The following MUSK variants were observed in gnomAD, a reference collection of about 807,000 sequenced individuals.
MUSK encodes the protein muscle associated receptor tyrosine kinase.
MUSK carries 55 observed loss-of-function variants against 88.7 expected under a neutral mutation model. That is an observed-to-expected ratio of 0.62 (90% CI 0.50 to 0.78). MUSK has a LOEUF of 0.78. Among genes scored for constraint, MUSK ranks in the 30% least tolerant of loss-of-function variants. The pLI is 0.00. For missense variants in MUSK, 1,015 were observed against 1,074.3 expected, an observed-to-expected ratio of 0.94 and a Z score of 0.77; for synonymous variants, 387 against 391.9, an observed-to-expected ratio of 0.99 and a Z score of 0.15.
intron 7 of MUSK, among the ~76,000 whole-genome samples, chr9:110,760,199 TC>T (rs1273434804): frequency 6.6e-6 from 1 of 152,108 alleles, no homozygotes; most frequent in African/African-American, 2.4e-5. Context: ...ACCCAGCAAT[TC>T]CGCTACTGAG....
At chr9:110,669,330 C>A (rs1262357029) in intron 1 of MUSK, among the ~76,000 whole-genome samples, 2 of 152,250 alleles carry the variant, frequency 1.3e-5, no homozygotes, top group East Asian at 3.9e-4. Flanking sequence ...TGATGACAAC[C>A]TTTTCGCATC....
chr9:110,690,435 A>T (rs1168487642), intron 3 of MUSK, among the ~76,000 whole-genome samples: 11 of 91,740 alleles, frequency 1.2e-4, no homozygotes, highest in East Asian at 9.5e-4. Context: ...TATATATTTC[A>T]ATATAAGTAT....
In MUSK at chr9:110,708,638, G is replaced by A. The variant is rs571089940; in HGVS notation, c.628+11172G>A. On this transcript the variant is annotated intron_variant, in intron 5 of 14. Transcript: ENST00000374448. ...TGATTTTGACTTTAGGGGATATTAT[G>A]GTATATTATGGTATGGTTTCATCTA... Among the ~76,000 whole-genome samples, 4 of 152,160 alleles carry A rather than the reference G, an allele frequency of 2.6e-5. No individual in the cohort carries two copies. In the South Asian group the frequency reaches 8.3e-4, roughly 32 times the overall value.
At chr9:110,704,603 G>A (rs1411818001) in intron 5 of MUSK, among the ~76,000 whole-genome samples, 1 of 152,024 alleles carries the variant, frequency 6.6e-6, no homozygotes, top group African/African-American at 2.4e-5. Context: ...GTTCATAAGT[G>A]AAAAAGTAAG....
chr9:110,673,130 C>G (rs2075981897), intron 1 of MUSK, among the ~76,000 whole-genome samples: 1 of 152,112 alleles, frequency 6.6e-6, no homozygotes, highest in African/African-American at 2.4e-5. Context: ...AACCGGAAAG[C>G]AGATTTGGAT....
In MUSK at chr9:110,801,196, G is replaced by T; in HGVS notation, c.*208G>T. 2 of 447,624 alleles carry T rather than the reference G, an allele frequency of 4.5e-6. No individual in the cohort carries two copies. The highest frequency in any genetic ancestry group is 3.9e-6 in the Non-Finnish European group (1 of 256,822). 27.7% of individuals were successfully genotyped at this position (447,624 alleles called of 1,614,324 possible). A position where few individuals can be genotyped will look rare whatever the true frequency, so the allele number is the denominator to read the frequency against. ...TGAAAGCCAGTGATTGGAAACACAG[G>T]CTAGGAAATGTGTCAGATAATGGAG... is the stretch of plus-strand genomic sequence containing the variant. On this transcript the variant is annotated 3_prime_UTR_variant, in exon 15 of 15. Coordinates refer to ENST00000374448, the MANE Select transcript of MUSK (RefSeq NM_005592.4).
chr9:110,686,738 G>A (rs544939579), intron 2 of MUSK, among the ~76,000 whole-genome samples: 8 of 152,136 alleles, frequency 5.3e-5, no homozygotes, highest in Non-Finnish European at 7.4e-5. Context: ...TCTGTTCATC[G>A]TATTTATACA....
At chr9:110,729,326 T>TAAAAAAAAA (rs34882321) in intron 5 of MUSK, among the ~76,000 whole-genome samples, 5 of 97,426 alleles carry the variant, frequency 5.1e-5, no homozygotes, top group African/African-American at 1.8e-4. Context: ...CTGTTTTCTG[T>TAAAAAAAAA]AAAAAAAAAA....
intron 11 of MUSK, among the ~76,000 whole-genome samples, chr9:110,784,342 G>C (rs1367796372): frequency 6.6e-6 from 1 of 152,050 alleles, no homozygotes; most frequent in African/African-American, 2.4e-5. Context: ...CAGGAGTTCA[G>C]TTTTTAGATG....
chr9:110,798,370 T>C (rs1588051522), intron 14 of MUSK, among the ~76,000 whole-genome samples: 2 of 152,120 alleles, frequency 1.3e-5, no homozygotes, highest in East Asian at 3.8e-4. Flanking sequence ...TTGGGAAAAA[T>C]GGTATAACTA....
intron 9 of MUSK, among the ~76,000 whole-genome samples, chr9:110,773,007 T>C (rs1308105979): frequency 1.3e-5 from 2 of 152,022 alleles, no homozygotes; most frequent in Non-Finnish European, 2.9e-5. Flanking sequence ...TTAAAAGTAA[T>C]GGCAAGAACC....
Position 110,783,505 on chromosome 9 carries a change from A to G in MUSK, c.1385-1310A>G, listed in dbSNP as rs552976072. ...AAGGTGTGAAATATAATAATTACAC[A>G]TTATTTTAATTAACTTTGAATCTGT... On this transcript the variant is annotated intron_variant, in intron 11 of 14. Coordinates refer to ENST00000374448, the MANE Select transcript of MUSK (RefSeq NM_005592.4). 7.2e-5 allele frequency among the ~76,000 whole-genome samples: 11 copies of G among 152,214 alleles called. No homozygotes were observed. The South Asian group carries it at 2.3e-3, about 32-fold the overall frequency.
chr9:110,717,006 T>C (rs2131790735), intron 5 of MUSK, among the ~76,000 whole-genome samples: 1 of 149,916 alleles, frequency 6.7e-6, no homozygotes, highest in East Asian at 1.9e-4. Context: ...ATCCCTTTCT[T>C]CCAACCTCCC....
intron 8 of MUSK, among the ~76,000 whole-genome samples, chr9:110,767,059 G>T (rs1173834625): frequency 6.6e-6 from 1 of 152,192 alleles, no homozygotes; most frequent in Admixed American, 6.5e-5. Flanking sequence ...AGCATTTACA[G>T]GTTTCTCCCT....
intron 5 of MUSK, among the ~76,000 whole-genome samples, chr9:110,729,572 C>G (rs906289770): frequency 2.0e-5 from 3 of 151,948 alleles, no homozygotes; most frequent in South Asian, 4.2e-4. Context: ...TACCAGGTTG[C>G]TTACAATTAA....
intron 6 of MUSK, among the ~76,000 whole-genome samples, chr9:110,746,643 T>G (rs563824214): frequency 7.0e-4 from 106 of 152,330 alleles, no homozygotes; most frequent in African/African-American, 2.5e-3. Context: ...ATCTTGGCTC[T>G]TTAAGGACAT....
intron 3 of MUSK, among the ~76,000 whole-genome samples, chr9:110,691,372 C>T (rs932976005): frequency 6.6e-6 from 1 of 152,144 alleles, no homozygotes; most frequent in South Asian, 2.1e-4. Context: ...GTCTCCTTCT[C>T]AGCTAACAAC....
chr9:110,779,058 C>CTCTGTGTGTGTGTGTG (rs35729732), intron 11 of MUSK, among the ~76,000 whole-genome samples: 1 of 149,616 alleles, frequency 6.7e-6, no homozygotes, highest in African/African-American at 2.5e-5. Context: ...GTCAGTGTCT[C>CTCTGTGTGTGTGTGTG]TGTGTGTGTG....
At chr9:110,723,691 A>T (rs1346565269) in intron 5 of MUSK, among the ~76,000 whole-genome samples, 2 of 151,984 alleles carry the variant, frequency 1.3e-5, no homozygotes, top group African/African-American at 4.8e-5. Flanking sequence ...ACAGGCAAAA[A>T]ATTTTGATTC....
Sources: allele counts gnomAD v4.1 joint callset (sites outside exome capture counted in the v4.1 genomes callset), GRCh38; gene constraint gnomAD v4.1.1; transcripts MANE v1.5; gene names NCBI Gene and HGNC (gene_info 2026-07-23, HGNC 2026-07-21).